Variants in TOP2B observed in about 807,000 individuals in gnomAD.
TOP2B encodes DNA topoisomerase II beta.
A neutral mutation model predicts 193.5 loss-of-function variants in TOP2B; 51 were observed. The ratio of observed to expected loss-of-function variants is 0.26; its 90% confidence interval spans 0.21 to 0.33. The LOEUF is 0.33. TOP2B is among the 10% of genes least tolerant of loss of function. TOP2B has a pLI of 1.00. For missense variants in TOP2B, 1,378 were observed against 1,909.3 expected, an observed-to-expected ratio of 0.72 and a Z score of 5.19; for synonymous variants, 634 against 635.7, an observed-to-expected ratio of 1.00 and a Z score of 0.04.
At chr3:25,636,592 A>AG (rs897540704) in intron 6 of TOP2B, among the ~76,000 whole-genome samples, 29 of 152,174 alleles carry the variant, frequency 1.9e-4, no homozygotes, top group African/African-American at 6.5e-4. Flanking sequence ...AATCCTCCTG[A>AG]GGCAACTGTA....
At chr3:25,630,205 G>T in intron 12 of TOP2B, 51 bp from the exon 13 acceptor site, 1 of 1,522,458 alleles carries the variant, frequency 6.6e-7, no homozygotes, top group South Asian at 1.3e-5. Flanking sequence ...TGAAATATAC[G>T]AGTCAGAAAT....
At chr3:25,628,590 G>A (rs1456091073) in intron 15 of TOP2B, among the ~76,000 whole-genome samples, 1 of 152,160 alleles carries the variant, frequency 6.6e-6, no homozygotes, top group Non-Finnish European at 1.5e-5. Flanking sequence ...ATAATGTCTG[G>A]AAGTTTTTTC....
intron 33 of TOP2B, 76 bp from the exon 34 acceptor site, chr3:25,601,301 G>A (rs573989829): frequency 2.5e-5 from 38 of 1,496,152 alleles, no homozygotes; most frequent in Non-Finnish European, 3.4e-5. Context: ...TATATAAATG[G>A]AATTTCTTAT....
chr3:25,648,293 A>G (rs1377840941), intron 1 of TOP2B, among the ~76,000 whole-genome samples: 1 of 152,218 alleles, frequency 6.6e-6, no homozygotes, highest in Non-Finnish European at 1.5e-5. Context: ...CGCCACAAGT[A>G]AAGCAGACAA....
At chr3:25,653,865 A>T (rs1372846412) in intron 1 of TOP2B, among the ~76,000 whole-genome samples, 1 of 152,248 alleles carries the variant, frequency 6.6e-6, no homozygotes, top group Admixed American at 6.5e-5. Flanking sequence ...ACACATTATC[A>T]TCTCAATTGA....
At chr3:25,642,228 G>A (rs1703284987) in intron 4 of TOP2B, 94 bp downstream of exon 4, 1 of 672,784 alleles carries the variant, frequency 1.5e-6, no homozygotes, top group East Asian at 2.9e-5. Flanking sequence ...CTTTAAAAGA[G>A]TACTACCCAT....
At chr3:25,637,175 C>A in intron 6 of TOP2B, 40 bp downstream of exon 6, 1 of 1,432,224 alleles carries the variant, frequency 7.0e-7, no homozygotes. Flanking sequence ...GATAATAAAA[C>A]GTTATTTTAA....
intron 1 of TOP2B, among the ~76,000 whole-genome samples, chr3:25,655,572 A>G (rs1237977776): frequency 6.6e-6 from 1 of 152,196 alleles, no homozygotes; most frequent in Non-Finnish European, 1.5e-5. Flanking sequence ...TCAAAGAGAT[A>G]TTTGCACACC....
Position 25,604,857 on chromosome 3 carries a change from A to G in TOP2B, c.4392T>C (p.Phe1464=). ...AAGCAGAATCTTCTTCATTACTGTC[A>G]AATTTAGCTGAATCTAAAAATTGCA... ...SQKSEDDSAK[F]DSNEEDSASV... is the part of the protein sequence containing the mutation. The change falls in exon 33 of 36, where the codon TTT becomes TTC. Residue 1464 remains phenylalanine (F), a synonymous_variant. Transcript: ENST00000264331. 1 of 1,612,280 alleles carries G rather than the reference A, an allele frequency of 6.2e-7. No homozygotes were observed. The highest frequency in any genetic ancestry group is 8.5e-7 in the Non-Finnish European group (1 of 1,179,046).
chr3:25,655,906 T>C (rs754925419), intron 1 of TOP2B, among the ~76,000 whole-genome samples: 4 of 152,184 alleles, frequency 2.6e-5, no homozygotes, highest in Admixed American at 6.5e-5. Flanking sequence ...TTAGTAGATA[T>C]AGTTTCAGTT....
intron 1 of TOP2B, among the ~76,000 whole-genome samples, chr3:25,663,106 T>C (rs1004410687): frequency 6.6e-6 from 1 of 152,198 alleles, no homozygotes; most frequent in African/African-American, 2.4e-5. Flanking sequence ...TGGCAAGTTA[T>C]TTTGCAATGT....
chr3:25,615,408 A>G (rs777761784), intron 26 of TOP2B, 23 bp downstream of exon 26: 5 of 1,538,502 alleles, frequency 3.2e-6, no homozygotes, highest in Non-Finnish European at 8.7e-7. Flanking sequence ...GTTTCAAACT[A>G]TTTAACCCAC....
At position 25,651,008 on chromosome 3, in the gene TOP2B, G is replaced by C. The variant is rs146306286; in HGVS notation, c.70-5538C>G. 1.4e-3 allele frequency among the ~76,000 whole-genome samples: 220 copies of C among 152,070 alleles called. 2 individuals are homozygous for C. Among genetic ancestry groups the C allele is most frequent in the African/African-American group, 5.1e-3 (210 of 41,488 alleles). The stretch of plus-strand genomic sequence containing the variant: ...AGTACCGCAAACTAGATTTTGTTCA[G>C]ACACGTTATAACAAGTTAGTACAAG... On this transcript the variant is annotated intron_variant, in intron 1 of 35. Coordinates refer to ENST00000264331, the MANE Select transcript of TOP2B (RefSeq NM_001330700.2).
chr3:25,624,502 C>A, intron 19 of TOP2B, 57 bp from the exon 20 acceptor site: 2 of 1,572,422 alleles, frequency 1.3e-6, no homozygotes. Context: ...TCTATAATTA[C>A]TCCCCAACTT....
Position 25,664,693 on chromosome 3 carries a change from C to A in TOP2B, c.-396G>T. ...CCGAGGCGCTCGGACGTGGCGAGGACGCAGAGGTGCCTTGTCCTTCTCACA... is the reference window on the plus strand; with the variant it reads ...CCGAGGCGCTCGGACGTGGCGAGGAAGCAGAGGTGCCTTGTCCTTCTCACA... On this transcript the variant is annotated 5_prime_UTR_variant, in exon 1 of 36. Transcript: ENST00000264331. 1 of 985,130 alleles carries A rather than the reference C, an allele frequency of 1.0e-6. No homozygotes were observed. Among genetic ancestry groups the A allele is most frequent in the Non-Finnish European group, 1.2e-6 (1 of 829,818 alleles). 61.0% of individuals were successfully genotyped at this position (985,130 alleles called of 1,614,324 possible).
At chr3:25,660,245 A>T (rs1418129213) in intron 1 of TOP2B, among the ~76,000 whole-genome samples, 1 of 152,214 alleles carries the variant, frequency 6.6e-6, no homozygotes, top group Admixed American at 6.5e-5. Flanking sequence ...CAGCATGTCA[A>T]TTATCCAATT....
In TOP2B at chr3:25,634,800, A is replaced by AAC; in HGVS notation, c.853-787_853-786insGT. On this transcript the variant is annotated intron_variant, in intron 7 of 35. Coordinates refer to ENST00000264331, the MANE Select transcript of TOP2B (RefSeq NM_001330700.2). ...TACCAAAAAAAAAAAAAAAAAAACC[A>AAC]AAAAAAGGCTTATTCTGCAGGGCAG... Among the ~76,000 whole-genome samples, 2 of 116,786 alleles carry AAC rather than the reference A, an allele frequency of 1.7e-5. 1 individual carries two copies. Among genetic ancestry groups the AAC allele is most frequent in the Admixed American group, 1.7e-4 (2 of 12,114 alleles). The allele number at this position is 116,786 out of a possible 152,430, so 76.6% of individuals were successfully genotyped here. A position where few individuals can be genotyped will look rare whatever the true frequency, so the allele number is the denominator to read the frequency against.
chr3:25,630,346 T>C lies in TOP2B; in HGVS notation c.1529A>G (p.Lys510Arg), dbSNP rs1408227039. 6.4e-7 allele frequency: 1 copy of C among 1,551,452 alleles called. No homozygotes were observed. The highest frequency in any genetic ancestry group is 8.7e-7 in the Non-Finnish European group (1 of 1,146,808). The change falls in exon 12 of 36, where the codon AAA becomes AGA. Residue 510 changes from lysine (K) to arginine (R), a missense_variant. Physicochemically the swap from Lys to Arg is conservative, Grantham distance 26 (BLOSUM62 2). Transcript: ENST00000264331. ...DRYGVFPLRG[K>R]ILNVREASHK... ...AGAAGCTTCCCGTACATTAAGAATT[T>C]TGCCCCTGAGTGGAAAAACTCCGTA...
In TOP2B at chr3:25,664,707, G is replaced by A. The variant is rs953674183; in HGVS notation, c.-410C>T. 2 of 985,088 alleles carry A rather than the reference G, an allele frequency of 2.0e-6. No homozygotes were observed. Among genetic ancestry groups the A allele is most frequent in the Admixed American group, 6.2e-5 (1 of 16,260 alleles). The allele number at this position is 985,088 out of a possible 1,614,324, so 61.0% of individuals were successfully genotyped here. ...CGTGGCGAGGACGCAGAGGTGCCTT[G>A]TCCTTCTCACACTCCGCGAAGGCCA... is the stretch of plus-strand genomic sequence containing the variant. On this transcript the variant is annotated 5_prime_UTR_variant, in exon 1 of 36. Transcript: ENST00000264331.
Sources: gnomAD v4.1 joint callset for allele counts (sites outside exome capture counted in the v4.1 genomes callset) on GRCh38, gnomAD v4.1.1 for gene constraint, MANE v1.5 for transcripts, NCBI Gene and HGNC (gene_info 2026-07-23, HGNC 2026-07-21) for gene names.